The following AVEN variants were observed in gnomAD, a reference collection of about 807,000 sequenced individuals.
The protein encoded by AVEN is apoptosis and caspase activation inhibitor.
A neutral mutation model predicts 38.1 loss-of-function variants in AVEN; 41 were observed. That is an observed-to-expected ratio of 1.08 (90% CI 0.84 to 1.40). AVEN has a LOEUF of 1.40. AVEN is among the 40% of genes most tolerant of loss of function. The probability of loss-of-function intolerance (pLI) is 0.00; values close to 1 mark genes in which losing one functional copy is unlikely to be tolerated. For synonymous variants in AVEN, 206 were observed against 171.8 expected, an observed-to-expected ratio of 1.20 and a Z score of -1.56; for missense variants, 605 against 438.8, an observed-to-expected ratio of 1.38 and a Z score of -3.38.
intron 1 of AVEN, among the ~76,000 whole-genome samples, chr15:34,023,453 C>G (rs768713533): frequency 2.0e-4 from 30 of 152,158 alleles, no homozygotes; most frequent in Non-Finnish European, 4.0e-4. Context: ...CCGATACACA[C>G]CAGAGCTCAG....
intron 5 of AVEN, among the ~76,000 whole-genome samples, chr15:34,056,032 T>C (rs1475479718): frequency 6.6e-6 from 1 of 152,160 alleles, no homozygotes; most frequent in Admixed American, 6.5e-5. Context: ...CAGGTATTGT[T>C]ATACGTGTTT....
chr15:33,860,519 G>T, intron 11 of AVEN: 4 of 814,462 alleles, frequency 4.9e-6, no homozygotes, highest in Non-Finnish European at 7.5e-6. Context: ...ACAGAACAAA[G>T]TAGCTTCTTC....
rs558951046 is a variant in AVEN, at chr15:34,063,305, C to G, written n.1254G>C. On this transcript the variant is annotated non_coding_transcript_exon_variant, in exon 5 of 12. Transcript: ENST00000675287. The surrounding 1 kb of genome is among the most constrained non-coding windows in gnomAD (Gnocchi z 4.1). ...TCTCTGAGCCCACCATCACTTTTGG[C>G]ACTGCCATTGCTGCCTTCTACATCC... 3 of 1,614,152 alleles carry G rather than the reference C, an allele frequency of 1.9e-6. No homozygotes were observed. The African/African-American group carries it at 4.0e-5, about 22-fold the overall frequency.
intron 2 of AVEN, among the ~76,000 whole-genome samples, chr15:33,980,513 T>C (rs573861495): frequency 8.5e-4 from 129 of 152,254 alleles, no homozygotes; most frequent in African/African-American, 2.9e-3. Flanking sequence ...ATATATGACA[T>C]GAGCACAAAC....
At chr15:33,902,304 C>T (rs947662984) in intron 2 of AVEN, among the ~76,000 whole-genome samples, 1 of 152,002 alleles carries the variant, frequency 6.6e-6, no homozygotes, top group African/African-American at 2.4e-5. Flanking sequence ...ATGTGATACA[C>T]CACATTAACA....
At chr15:33,929,667 G>A (rs1893764153) in intron 2 of AVEN, among the ~76,000 whole-genome samples, 1 of 152,146 alleles carries the variant, frequency 6.6e-6, no homozygotes, top group Admixed American at 6.5e-5. Flanking sequence ...CACACAAAAT[G>A]GGGGGAAAAT....
intron 4 of AVEN, among the ~76,000 whole-genome samples, chr15:33,869,053 C>T (rs1012106909): frequency 2.0e-5 from 3 of 152,148 alleles, no homozygotes; most frequent in Admixed American, 6.5e-5. Context: ...CTTATTTTTA[C>T]ATAAACATCC....
intron 3 of AVEN, among the ~76,000 whole-genome samples, chr15:33,872,186 G>A (rs117971728): frequency 0.024 from 3,704 of 152,252 alleles, 294 homozygotes; most frequent in Admixed American, 0.17. Context: ...CTGACTGTAG[G>A]ACAAAGCCTT....
downstream of AVEN, chr15:33,864,208 T>C (rs1469462355): frequency 6.3e-7 from 1 of 1,592,320 alleles, no homozygotes; most frequent in Non-Finnish European, 8.6e-7. Context: ...TTAAGAATCA[T>C]ATACCCGTGT....
intron 1 of AVEN, among the ~76,000 whole-genome samples, chr15:34,026,789 C>T (rs1255838605): frequency 1.3e-5 from 2 of 152,098 alleles, no homozygotes; most frequent in East Asian, 1.9e-4. Flanking sequence ...AAGTAAGTCG[C>T]TCACATTAAA....
rs1409061368 is a variant in AVEN, at chr15:33,867,831, G to C, written c.637C>G (p.Gln213Glu). Residue 213 changes from glutamine (Q) to glutamate (E), a missense_variant, in exon 5 of 6, where the codon CAG becomes GAG. By Grantham distance (29) the Gln-to-Glu change is conservative (BLOSUM62 2). Transcript: ENST00000306730. The stretch of plus-strand genomic sequence containing the variant: ...TCATCAGTTCTCTTTGGTTTCACCT[G>C]AGGAACCTCTAAAGGAACTGTACCC... ...VQGTVPLEVP[Q>E]VKPKRTDDGK... The C allele has an allele frequency of 6.3e-7, 1 of 1,598,476 alleles. No homozygotes were observed. The highest frequency in any genetic ancestry group is 1.1e-5 in the South Asian group (1 of 88,132).
intron 2 of AVEN, among the ~76,000 whole-genome samples, chr15:33,894,543 G>A (rs1014403941): frequency 9.6e-5 from 14 of 146,454 alleles, no homozygotes; most frequent in South Asian, 4.5e-4. Context: ...ATCATCGGCC[G>A]GGCACAGTGG....
At chr15:33,898,240 T>C (rs979797275) in intron 2 of AVEN, among the ~76,000 whole-genome samples, 5 of 152,154 alleles carry the variant, frequency 3.3e-5, no homozygotes, top group African/African-American at 4.8e-5. Flanking sequence ...GAGATAATGA[T>C]GAGTAAAAAA....
intron 2 of AVEN, among the ~76,000 whole-genome samples, chr15:33,921,597 T>C (rs1043494018): frequency 3.9e-5 from 6 of 152,200 alleles, no homozygotes; most frequent in Admixed American, 1.3e-4. Flanking sequence ...AGCCTGTGCA[T>C]TGCCTTGAGA....
At chr15:33,967,478 T>C (rs116104096) in intron 2 of AVEN, among the ~76,000 whole-genome samples, 1,615 of 152,222 alleles carry the variant, frequency 0.011, 32 homozygotes, top group African/African-American at 0.037. Flanking sequence ...GAGATTTGCT[T>C]TAAAATATTT....
chr15:33,927,256 AAATAAT>A (rs143126877), intron 2 of AVEN, among the ~76,000 whole-genome samples: 6,299 of 150,630 alleles, frequency 0.042, 261 homozygotes, highest in African/African-American at 0.11. Flanking sequence ...CTCCATCTCA[AAATAAT>A]AATAATAATA....
At chr15:33,881,394 C>T (rs1422056796) in intron 2 of AVEN, among the ~76,000 whole-genome samples, 2 of 148,318 alleles carry the variant, frequency 1.3e-5, no homozygotes, top group African/African-American at 5.0e-5. Flanking sequence ...CTAGAGGCTA[C>T]TTTTATTATT....
intron 1 of AVEN, among the ~76,000 whole-genome samples, chr15:34,035,137 T>C (rs1792519730): frequency 6.6e-6 from 1 of 152,222 alleles, no homozygotes; most frequent in Admixed American, 6.5e-5. Flanking sequence ...CGGGTATTAA[T>C]TACTACTCAG....
rs758166389 is a variant in AVEN, at chr15:33,867,601, C to T, written c.867G>A (p.Leu289=). 7.4e-6 allele frequency: 12 copies of T among 1,614,080 alleles called. 1 individual carries two copies. The highest frequency in any genetic ancestry group is 6.7e-5 in the African/African-American group (5 of 74,916). ...GDHLEEELDL[L]LNLDAPIKEG... ...CTTTTATAGGTGCATCTAAATTAAG[C>T]AACAGATCTAGTTCTTCTTCCAAAT... The change falls in exon 5 of 6, where the codon TTG becomes TTA. Residue 289 remains leucine, a synonymous_variant. Coordinates refer to ENST00000306730, the MANE Select transcript of AVEN (RefSeq NM_020371.3).
Sources: allele counts gnomAD v4.1 joint callset (sites outside exome capture counted in the v4.1 genomes callset), GRCh38; gene constraint gnomAD v4.1.1; non-coding constraint Gnocchi (gnomAD v3.1); transcripts MANE v1.5; gene names NCBI Gene and HGNC (gene_info 2026-07-23, HGNC 2026-07-21).